Variants in CRNKL1 observed in about 807,000 individuals in gnomAD.
CRNKL1 encodes the protein crooked neck-like protein 1.
In CRNKL1, 35 loss-of-function variants were observed where a neutral mutation model predicts 103.7. That is an observed-to-expected ratio of 0.34 (90% CI 0.26 to 0.45). CRNKL1 has a LOEUF of 0.45. Among genes scored for constraint, CRNKL1 ranks in the 20% least tolerant of loss-of-function variants. The pLI, the probability that CRNKL1 is intolerant of heterozygous loss-of-function variation, is 1.00. For synonymous variants in CRNKL1, 267 were observed against 282.6 expected, an observed-to-expected ratio of 0.94 and a Z score of 0.55; for missense variants, 645 against 836.0, an observed-to-expected ratio of 0.77 and a Z score of 2.82.
In CRNKL1 at chr20:20,050,533, A is replaced by G; in HGVS notation, c.141T>C (p.Pro47=). 1 of 1,613,774 alleles carries G rather than the reference A, an allele frequency of 6.2e-7. No individual in the cohort carries two copies. Among genetic ancestry groups the G allele is most frequent in the African/African-American group, 1.3e-5 (1 of 75,040 alleles). Residue 47 remains proline (P), a synonymous_variant, in exon 2 of 14, where the codon CCT becomes CCC. Coordinates refer to ENST00000536226, the MANE Select transcript of CRNKL1 (RefSeq NM_001278628.2). ...CATCTGTGATCTTCTGTTGAGGTGG[A>G]GGTGGAAGAAGCTCAAGTTCTCTTT... ...AKERELELLP[P]PPQQKITDEE...
At chr20:20,048,218 A>T (rs1452083585) in intron 4 of CRNKL1, 125 bp downstream of exon 4, 1 of 1,108,560 alleles carries the variant, frequency 9.0e-7, no homozygotes, top group Non-Finnish European at 1.3e-6. Context: ...GGGACATAAC[A>T]GCATTTATGT....
intron 8 of CRNKL1, 127 bp from the exon 9 acceptor site, chr20:20,041,752 TAC>T: frequency 1.5e-6 from 1 of 665,092 alleles, no homozygotes; most frequent in Non-Finnish European, 2.6e-6. Flanking sequence ...CACAAGTTGT[TAC>T]TTGCAAACCC....
intron 5 of CRNKL1, 95 bp downstream of exon 5, chr20:20,047,670 A>T: frequency 1.7e-6 from 2 of 1,206,186 alleles, no homozygotes; most frequent in Non-Finnish European, 2.2e-6. Context: ...GCCTGACATT[A>T]ATGACTGTGT....
chr20:20,054,096 G>A (rs1303530083), upstream of CRNKL1, among the ~76,000 whole-genome samples: 2 of 132,144 alleles, frequency 1.5e-5, no homozygotes, highest in African/African-American at 2.8e-5. Context: ...ATACCTTCAT[G>A]TTTACCTTCT....
rs780314277 is a variant in CRNKL1, at chr20:20,042,322, C to A, written c.1164+3G>T. The A allele has an allele frequency of 1.9e-6, 3 of 1,577,440 alleles. 1 individual carries two copies. The South Asian group carries it at 3.5e-5, about 19-fold the overall frequency. On this transcript the variant is annotated splice_donor_region_variant and intron_variant, in intron 8 of 13. Transcript: ENST00000536226. ...CAGCTGACACATAATTCTGTTTTTT[C>A]ACCTTTGCCTCCAATTCTTCATAGA...
chr20:20,037,428 C>A lies in CRNKL1; in HGVS notation c.1791G>T (p.Trp597Cys), dbSNP rs1434651419. ...KEERLMLLES[W>C]RSFEEEFGTA... ...TTCCAAATTCTTCTTCAAAACTTCG[C>A]CAAGATTCCAGCAGCATAAGTCTCT... The change falls in exon 13 of 14, where the codon TGG becomes TGT. Residue 597 changes from tryptophan to cysteine, a missense_variant. By Grantham distance (215) the Trp-to-Cys change is radical. This residue lies in a region of CRNKL1 where 582 missense variants were observed against 707.7 expected (regional missense o/e 0.82). Coordinates refer to ENST00000536226, the MANE Select transcript of CRNKL1 (RefSeq NM_001278628.2). 1.2e-6 allele frequency: 2 copies of A among 1,614,160 alleles called. No individual in the cohort carries two copies. The highest frequency in any genetic ancestry group is 1.7e-6 in the Non-Finnish European group (2 of 1,180,026).
At chr20:20,052,202 G>C in intron 1 of CRNKL1, 90 bp downstream of exon 1, 1 of 1,140,182 alleles carries the variant, frequency 8.8e-7, no homozygotes, top group Non-Finnish European at 1.2e-6. Context: ...CTCCCCGGCG[G>C]GAACACTCTC....
At chr20:20,044,504 A>C (rs2043564003) in intron 6 of CRNKL1, among the ~76,000 whole-genome samples, 1 of 152,196 alleles carries the variant, frequency 6.6e-6, no homozygotes, top group Non-Finnish European at 1.5e-5. Flanking sequence ...GTTCCAATGA[A>C]CATTTCCTTC....
At chr20:20,049,818 CTTTCT>C (rs1172332273) in intron 2 of CRNKL1, among the ~76,000 whole-genome samples, 9 of 149,858 alleles carry the variant, frequency 6.0e-5, no homozygotes, top group African/African-American at 2.3e-4. Flanking sequence ...TTCTTTCTTT[CTTTCT>C]TTTTTTTTTT....
rs150861900 is a variant in CRNKL1, at chr20:20,037,473, T to C, written c.1746A>G (p.Arg582=). 6.2e-7 allele frequency: 1 copy of C among 1,614,100 alleles called. No homozygotes were observed. Among genetic ancestry groups the C allele is most frequent in the Admixed American group, 1.7e-5 (1 of 60,012 alleles). The change falls in exon 13 of 14, where the codon CGA becomes CGG. Residue 582 remains arginine (R), a synonymous_variant. Coordinates refer to ENST00000536226, the MANE Select transcript of CRNKL1 (RefSeq NM_001278628.2). ...QIYEEANKTM[R]NCEEKEERLM... is the part of the protein sequence containing the mutation. ...GTCTCTCTTCCTTTTCTTCACAGTT[T>C]CGCATGGTTTTGTTAGCTTCTTCAT...
At chr20:20,036,404 T>TA in intron 13 of CRNKL1, 42 bp from the exon 14 acceptor site, 1 of 1,575,146 alleles carries the variant, frequency 6.3e-7, no homozygotes, top group Non-Finnish European at 8.7e-7. Flanking sequence ...ACGTGGGTGA[T>TA]ATACTCACAT....
At position 20,035,586 on chromosome 20, in the gene CRNKL1, T is replaced by C. The variant is rs183116705; in HGVS notation, c.*609A>G. 3.3e-5 allele frequency: 5 copies of C among 152,382 alleles called. No homozygotes were observed. Among genetic ancestry groups the C allele is most frequent in the Admixed American group, 2.0e-4 (3 of 15,300 alleles). The allele number at this position is 152,382 out of a possible 1,614,324, so 9.4% of individuals were successfully genotyped here. A position where few individuals can be genotyped will look rare whatever the true frequency, so the allele number is the denominator to read the frequency against. On this transcript the variant is annotated 3_prime_UTR_variant, in exon 14 of 14. Transcript: ENST00000536226. ...TCTAAAAAACAATATAACTGGACAC[T>C]AGTAAGAAAGTAAGGTAAATTATTA...
At position 20,045,445 on chromosome 20, in the gene CRNKL1, C is replaced by A. The variant is rs931608925; in HGVS notation, c.664G>T (p.Ala222Ser). The change falls in exon 6 of 14, where the codon GCC (alanine) becomes TCC (serine). Residue 222 changes from alanine (A) to serine (S), a missense_variant. Ala to Ser is a moderately conservative substitution (Grantham distance 99). This residue lies in a region of CRNKL1 where 582 missense variants were observed against 707.7 expected (regional missense o/e 0.82). Coordinates refer to ENST00000536226, the MANE Select transcript of CRNKL1 (RefSeq NM_001278628.2). ...HPDVKNWIKY[A>S]RFEEKHAYFA... ...TAAGCATGTTTTTCTTCAAAGCGGGCATACTTGATCCAGTTCTTAACATCA... is the reference window on the plus strand; with the variant it reads ...TAAGCATGTTTTTCTTCAAAGCGGGAATACTTGATCCAGTTCTTAACATCA... The A allele has an allele frequency of 6.2e-7, 1 of 1,612,574 alleles. No homozygotes were observed. Among genetic ancestry groups the A allele is most frequent in the South Asian group, 1.1e-5 (1 of 90,924 alleles).
chr20:20,052,880 A>G (rs931630380), upstream of CRNKL1: 1 of 680,390 alleles, frequency 1.5e-6, no homozygotes, highest in Non-Finnish European at 2.5e-6. Context: ...CTCTGGGTCC[A>G]CGCCCCCTCG....
intron 5 of CRNKL1, among the ~76,000 whole-genome samples, chr20:20,047,388 T>C (rs548507200): frequency 6.6e-6 from 1 of 152,326 alleles, no homozygotes; most frequent in East Asian, 1.9e-4. Context: ...TTGAATTATA[T>C]GGGAGGCTAT....
chr20:20,046,968 A>G (rs568916483), intron 5 of CRNKL1, among the ~76,000 whole-genome samples: 1 of 152,380 alleles, frequency 6.6e-6, no homozygotes, highest in African/African-American at 2.4e-5. Context: ...TTCAGTTTCT[A>G]AAAGTGCTTT....
chr20:20,053,803 A>G (rs2043986923), upstream of CRNKL1, among the ~76,000 whole-genome samples: 1 of 152,170 alleles, frequency 6.6e-6, no homozygotes, highest in Admixed American at 6.5e-5. Flanking sequence ...AAATAAATAA[A>G]TATTAAAAAG....
At chr20:20,037,645 A>G (rs554478661) in intron 12 of CRNKL1, 74 bp from the exon 13 acceptor site, 1 of 1,438,490 alleles carries the variant, frequency 7.0e-7, no homozygotes, top group East Asian at 2.3e-5. Flanking sequence ...TAATAAAGCG[A>G]ATTCCCAGTT....
chr20:20,052,563 G>C (rs774259133), upstream of CRNKL1: 2 of 1,613,962 alleles, frequency 1.2e-6, no homozygotes, highest in South Asian at 2.2e-5. Context: ...GCAGCGCGTG[G>C]AGTGCGGCGT....
Sources: allele counts gnomAD v4.1 joint callset (sites outside exome capture counted in the v4.1 genomes callset), GRCh38; gene constraint gnomAD v4.1.1; regional missense constraint gnomAD v4.1.1; transcripts MANE v1.5; gene names NCBI Gene and HGNC (gene_info 2026-07-23, HGNC 2026-07-21).